Variants in AATK observed in about 807,000 individuals in gnomAD.
AATK encodes serine/threonine-protein kinase LMTK1.
A neutral mutation model predicts 114.3 loss-of-function variants in AATK; 91 were observed. That is an observed-to-expected ratio of 0.80 (90% CI 0.67 to 0.95). AATK has a LOEUF of 0.95. Ranked by LOEUF, AATK falls within the 40% of genes least tolerant of loss-of-function variation. The probability of loss-of-function intolerance (pLI) is 0.00; values close to 1 mark genes in which losing one functional copy is unlikely to be tolerated. For missense variants in AATK, 2,176 were observed against 1,965.2 expected, an observed-to-expected ratio of 1.11 and a Z score of -2.03; for synonymous variants, 1,075 against 916.5, an observed-to-expected ratio of 1.17 and a Z score of -3.12.
rs534381348 is a variant in AATK at position 81,124,241 on chromosome 17, G to A, written c.962+486C>T. On this transcript the variant is annotated intron_variant, in intron 9 of 13. Transcript: ENST00000326724. Reference sequence around the variant, plus strand: ...CCCCGGGGCGGACCACTCCCCTGGCGGCTCGGCCCTGCCCCTTCCGAGTCT... The same window carrying A: ...CCCCGGGGCGGACCACTCCCCTGGCAGCTCGGCCCTGCCCCTTCCGAGTCT... Among the ~76,000 whole-genome samples, 5 of 138,772 alleles carry A rather than the reference G, an allele frequency of 3.6e-5. No homozygotes were observed. In the East Asian group the frequency reaches 1.1e-3, roughly 30 times the overall value. The allele number at this position is 138,772 out of a possible 152,430, so 91.0% of individuals were successfully genotyped here.
intron 1 of AATK, among the ~76,000 whole-genome samples, chr17:81,164,505 CATT>C (rs1347447817): frequency 6.6e-6 from 1 of 152,248 alleles, no homozygotes; most frequent in Non-Finnish European, 1.5e-5. Context: ...TAAACGGACA[CATT>C]AGAATTATTC....
chr17:81,160,966 C>A (rs772819119), intron 1 of AATK, among the ~76,000 whole-genome samples: 1 of 152,208 alleles, frequency 6.6e-6, no homozygotes, highest in Non-Finnish European at 1.5e-5. Flanking sequence ...GTGGCCCCGG[C>A]CTGCTTCCTC....
At chr17:81,129,047 G>T in intron 3 of AATK, 1 of 418,520 alleles carries the variant, frequency 2.4e-6, no homozygotes, top group Non-Finnish European at 3.3e-6. Context: ...TCTCCCCGAG[G>T]GCCAGGCCGG....
chr17:81,122,016 C>A lies in AATK; in HGVS notation c.1920G>T (p.Glu640Asp). The A allele has an allele frequency of 1.2e-6, 2 of 1,601,078 alleles. No homozygotes were observed. The highest frequency in any genetic ancestry group is 1.7e-6 in the Non-Finnish European group (2 of 1,179,232). Residue 640 changes from glutamate to aspartate, a missense_variant, in exon 11 of 14, where the codon GAG (glutamate) becomes GAT (aspartate). By Grantham distance (45) the Glu-to-Asp change is conservative (BLOSUM62 2). Transcript: ENST00000326724. ...GVAAFCPAFFEDPLGTSPLGS... is the reference protein window; with the variant it reads ...GVAAFCPAFFDDPLGTSPLGS... ...CCAAAGGGGACGTGCCCAGTGGGTC[C>A]TCGAAGAAGGCAGGACAGAAGGCGG...
intron 1 of AATK, among the ~76,000 whole-genome samples, chr17:81,164,160 C>A (rs897783614): frequency 4.6e-5 from 7 of 152,246 alleles, no homozygotes; most frequent in African/African-American, 1.7e-4. Context: ...GTACTGTCGG[C>A]CCATGTCATA....
In AATK at chr17:81,117,686, C is replaced by T. The variant is rs1043395624; in HGVS notation, c.*716G>A. ...CCAAGGGCACCTCTAGAACGGGGCC[C>T]ACGGGGCAGGAGTACAGCCTGGAAG... is the stretch of plus-strand genomic sequence containing the variant. On this transcript the variant is annotated 3_prime_UTR_variant, in exon 14 of 14. Coordinates refer to ENST00000326724, the MANE Select transcript of AATK (RefSeq NM_001080395.3). The T allele has an allele frequency of 3.9e-5, 6 of 152,312 alleles. No individual in the cohort carries two copies. Among genetic ancestry groups the T allele is most frequent in the Admixed American group, 2.0e-4 (3 of 15,288 alleles). 9.4% of individuals were successfully genotyped at this position (152,312 alleles called of 1,614,324 possible). A position where few individuals can be genotyped will look rare whatever the true frequency, so the allele number is the denominator to read the frequency against.
chr17:81,128,035 G>A (rs559708742), intron 4 of AATK, 125 bp from the exon 5 acceptor site: 275 of 1,188,340 alleles, frequency 2.3e-4, no homozygotes, highest in Non-Finnish European at 2.8e-4. Context: ...CCTGTGCCCC[G>A]TCCACTCATT....
chr17:81,119,164 AGGT>A (rs2060633418), intron 13 of AATK, among the ~76,000 whole-genome samples: 1 of 134,560 alleles, frequency 7.4e-6, no homozygotes, highest in East Asian at 2.3e-4. Context: ...GGTGAGGGTC[AGGT>A]GAGGGTCAGG....
chr17:81,163,977 C>A lies in AATK; in HGVS notation c.55+1961G>T, dbSNP rs560457467. ...GGCCCCTCCCCTCTGGGTGCCCCCC[C>A]ACAGACACAAGCAGCCTCAGAAGGA... On this transcript the variant is annotated intron_variant, in intron 1 of 13. Coordinates refer to ENST00000326724, the MANE Select transcript of AATK (RefSeq NM_001080395.3). 2.0e-3 allele frequency among the ~76,000 whole-genome samples: 308 copies of A among 152,362 alleles called. 1 individual carries two copies. Among genetic ancestry groups the A allele is most frequent in the African/African-American group, 6.9e-3 (289 of 41,594 alleles).
At position 81,118,187 on chromosome 17, in the gene AATK, G is replaced by A. The variant is rs974993170; in HGVS notation, c.*215C>T. ...GGCTAGCAGCAAGCCTAAAAGCCCAGACGAATTCTGCCTCTGGGGCGGAGC... is the reference window on the plus strand; with the variant it reads ...GGCTAGCAGCAAGCCTAAAAGCCCAAACGAATTCTGCCTCTGGGGCGGAGC... On this transcript the variant is annotated 3_prime_UTR_variant, in exon 14 of 14. Transcript: ENST00000326724. The A allele has an allele frequency of 1.7e-6, 1 of 578,156 alleles. No homozygotes were observed. The highest frequency in any genetic ancestry group is 3.1e-6 in the Non-Finnish European group (1 of 326,024). The allele number at this position is 578,156 out of a possible 1,614,324, so 35.8% of individuals were successfully genotyped here. A position where few individuals can be genotyped will look rare whatever the true frequency, so the allele number is the denominator to read the frequency against.
In AATK at chr17:81,122,033, A is replaced by C. The variant is rs527352561; in HGVS notation, c.1903T>G (p.Cys635Gly). ...EDADWGVAAFCPAFFEDPLGT... is the reference protein window; with the variant it reads ...EDADWGVAAFGPAFFEDPLGT... ...AGTGGGTCCTCGAAGAAGGCAGGAC[A>C]GAAGGCGGCCACGCCCCAGTCTGCA... The change falls in exon 11 of 14, where the codon TGT (cysteine) becomes GGT (glycine). Residue 635 changes from cysteine to glycine, a missense_variant. Physicochemically the swap from Cys to Gly is radical, Grantham distance 159 (BLOSUM62 -3). Transcript: ENST00000326724. 3 of 1,599,484 alleles carry C rather than the reference A, an allele frequency of 1.9e-6. No homozygotes were observed. In the South Asian group the frequency reaches 3.3e-5, roughly 18 times the overall value.
Position 81,122,180 on chromosome 17 carries a change from C to G in AATK, c.1756G>C (p.Val586Leu). The G allele has an allele frequency of 6.6e-7, 1 of 1,508,704 alleles. No individual in the cohort carries two copies. The highest frequency in any genetic ancestry group is 1.2e-5 in the South Asian group (1 of 81,764). The allele number at this position is 1,508,704 out of a possible 1,614,324, so 93.5% of individuals were successfully genotyped here. ...PLLGHGPPVD[V>L]PWGRGDHYPR... ...TAGTGGTCGCCGCGGCCCCAGGGGA[C>G]GTCGACGGGTGGCCCGTGGCCCAGC... The change falls in exon 11 of 14, where the codon GTC becomes CTC. Residue 586 changes from valine (V) to leucine (L), a missense_variant. By Grantham distance (32) the Val-to-Leu change is conservative (BLOSUM62 1). Transcript: ENST00000326724.
intron 9 of AATK, 107 bp from the exon 10 acceptor site, chr17:81,123,450 G>A (rs1193623226): frequency 2.3e-5 from 25 of 1,067,728 alleles, no homozygotes; most frequent in Non-Finnish European, 2.8e-5. Flanking sequence ...TCACGCCAGT[G>A]CCTCAGGACC....
chr17:81,132,021 G>T, intron 2 of AATK: 1 of 1,305,078 alleles, frequency 7.7e-7, no homozygotes, highest in Non-Finnish European at 1.0e-6. Context: ...GCCACTCCCT[G>T]CCAGGCTGCT....
chr17:81,119,251 C>G (rs1283907440), intron 13 of AATK, 129 bp downstream of exon 13: 12 of 903,426 alleles, frequency 1.3e-5, no homozygotes, highest in Non-Finnish European at 1.8e-5. Flanking sequence ...GGAGCGGGGC[C>G]GGGAAGGAGC....
At chr17:81,165,675 C>T in intron 1 of AATK, 7 of 1,510,710 alleles carry the variant, frequency 4.6e-6, no homozygotes, top group Non-Finnish European at 5.3e-6. Context: ...CTCCGTGCCC[C>T]AGTTACCTGT....
At chr17:81,131,802 G>A (rs1365589162) in intron 2 of AATK, 2 of 1,273,338 alleles carry the variant, frequency 1.6e-6, no homozygotes, top group African/African-American at 3.1e-5. Context: ...AGTCCTGTGG[G>A]AGAAGCAATT....
chr17:81,150,788 C>T (rs563535425), intron 1 of AATK, among the ~76,000 whole-genome samples: 1 of 152,324 alleles, frequency 6.6e-6, no homozygotes, highest in South Asian at 2.1e-4. Flanking sequence ...TGGGCCTCGG[C>T]AGGGCATCTG....
In AATK at chr17:81,126,653, C is replaced by A. The variant is rs2060831021; in HGVS notation, c.622-93G>T. 1 of 1,472,290 alleles carries A rather than the reference C, an allele frequency of 6.8e-7. No homozygotes were observed. Among genetic ancestry groups the A allele is most frequent in the Non-Finnish European group, 9.0e-7 (1 of 1,106,178 alleles). The allele number at this position is 1,472,290 out of a possible 1,614,324, so 91.2% of individuals were successfully genotyped here. A position where few individuals can be genotyped will look rare whatever the true frequency, so the allele number is the denominator to read the frequency against. ...TACCTCCCCAACTCCTCCACCCCTA[C>A]CCACAGCTGAGGGACAGCAGCTGCC... is the stretch of plus-strand genomic sequence containing the variant. On this transcript the variant is annotated intron_variant, in intron 6 of 13. Transcript: ENST00000326724. The surrounding 1 kb of genome is among the most constrained non-coding windows in gnomAD (Gnocchi z 5.1).
Sources: gnomAD v4.1 joint callset for allele counts (sites outside exome capture counted in the v4.1 genomes callset) on GRCh38, gnomAD v4.1.1 for gene constraint, Gnocchi (gnomAD v3.1) non-coding constraint, MANE v1.5 for transcripts, NCBI Gene and HGNC (gene_info 2026-07-23, HGNC 2026-07-21) for gene names.